The following CTNNA3 variants were observed in gnomAD, a reference collection of about 807,000 sequenced individuals.
CTNNA3 encodes the protein catenin alpha 3.
CTNNA3 carries 76 observed loss-of-function variants against 95.7 expected under a neutral mutation model. That is an observed-to-expected ratio of 0.79 (90% CI 0.66 to 0.96). CTNNA3 has a LOEUF of 0.96. CTNNA3 is among the 40% of genes least tolerant of loss of function. The pLI, the probability that CTNNA3 is intolerant of heterozygous loss-of-function variation, is 0.00. For missense variants in CTNNA3, 1,191 were observed against 1,089.8 expected (o/e 1.09, Z -1.31); for synonymous variants, 431 against 374.4 (o/e 1.15, Z -1.74).
In CTNNA3 at chr10:66,179,660, A is replaced by G. The variant is rs2085934048; in HGVS notation, c.1885-76411T>C. On this transcript the variant is annotated intron_variant, in intron 13 of 17. Coordinates refer to ENST00000433211, the MANE Select transcript of CTNNA3 (RefSeq NM_013266.4). ...CTCCATAAAGGCAATCACAAAGGAAAGCTCTTCTAGGTTTTTGAGATTTTT... is the reference window on the plus strand; with the variant it reads ...CTCCATAAAGGCAATCACAAAGGAAGGCTCTTCTAGGTTTTTGAGATTTTT... Among the ~76,000 whole-genome samples the G allele has an allele frequency of 2.6e-5, 4 of 152,078 alleles. No individual in the cohort carries two copies. In the South Asian group the frequency reaches 8.3e-4, roughly 31 times the overall value.
intron 15 of CTNNA3, among the ~76,000 whole-genome samples, chr10:66,038,997 C>T (rs1008186729): frequency 8.5e-5 from 13 of 152,122 alleles, no homozygotes; most frequent in Non-Finnish European, 1.8e-4. Context: ...TAGAAAATCC[C>T]ATAGTCTCAA....
intron 7 of CTNNA3, among the ~76,000 whole-genome samples, chr10:67,083,084 A>T (rs1266999251): frequency 3.3e-5 from 5 of 152,168 alleles, no homozygotes; most frequent in Non-Finnish European, 5.9e-5. Flanking sequence ...TCAGGGGACC[A>T]GTGAGCATCC....
In CTNNA3 at chr10:67,591,226, G is replaced by A. The variant is rs538485145; in HGVS notation, c.292+15631C>T. Among the ~76,000 whole-genome samples, 5 of 152,182 alleles carry A rather than the reference G, an allele frequency of 3.3e-5. No homozygotes were observed. The East Asian group carries it at 9.7e-4, about 29-fold the overall frequency. Reference sequence around the variant, plus strand: ...GTTCTGGGCCTACCTAGGAAGAAATGTCTAGCCAACATTCCACATTTTAAA... The same window carrying A: ...GTTCTGGGCCTACCTAGGAAGAAATATCTAGCCAACATTCCACATTTTAAA... On this transcript the variant is annotated intron_variant, in intron 3 of 17. Coordinates refer to ENST00000433211, the MANE Select transcript of CTNNA3 (RefSeq NM_013266.4).
At chr10:66,407,288 TA>T (rs773876837) in intron 11 of CTNNA3, among the ~76,000 whole-genome samples, 1 of 148,488 alleles carries the variant, frequency 6.7e-6, no homozygotes, top group Non-Finnish European at 1.5e-5. Context: ...AAAACACATC[TA>T]AAAAAACCTA....
rs145827872 is a variant in CTNNA3 at position 66,233,750 on chromosome 10, C to T, written c.1884+46720G>A. On this transcript the variant is annotated intron_variant, in intron 13 of 17. Coordinates refer to ENST00000433211, the MANE Select transcript of CTNNA3 (RefSeq NM_013266.4). ...ATATATATAAAACTTTGGAACTTGCCGTATCTTCTAAAGCTAAATATGTTA... is the reference window on the plus strand; with the variant it reads ...ATATATATAAAACTTTGGAACTTGCTGTATCTTCTAAAGCTAAATATGTTA... 3.4e-3 allele frequency among the ~76,000 whole-genome samples: 520 copies of T among 152,116 alleles called. 2 individuals are homozygous for T. The highest frequency in any genetic ancestry group is 0.012 in the African/African-American group (494 of 41,490).
chr10:66,342,439 A>C (rs2092463630), intron 12 of CTNNA3, among the ~76,000 whole-genome samples: 1 of 152,088 alleles, frequency 6.6e-6, no homozygotes, highest in Admixed American at 6.6e-5. Flanking sequence ...AAACTTATGA[A>C]ATTTCTAGAT....
chr10:67,372,404 A>G (rs531791362), intron 5 of CTNNA3, among the ~76,000 whole-genome samples: 1 of 152,252 alleles, frequency 6.6e-6, no homozygotes, highest in South Asian at 2.1e-4. Context: ...TATGAAATGA[A>G]GCGTGAAGAG....
intron 7 of CTNNA3, among the ~76,000 whole-genome samples, chr10:66,916,596 C>T (rs1472817323): frequency 1.3e-5 from 2 of 152,100 alleles, no homozygotes; most frequent in Admixed American, 6.6e-5. Context: ...CCTGAGAAAG[C>T]TAATACTATA....
intron 11 of CTNNA3, among the ~76,000 whole-genome samples, chr10:66,497,297 T>C (rs1035448643): frequency 2.6e-5 from 4 of 151,884 alleles, no homozygotes; most frequent in African/African-American, 9.7e-5. Flanking sequence ...GTCAAAATTA[T>C]TAGGATGGTG....
intron 5 of CTNNA3, among the ~76,000 whole-genome samples, chr10:67,469,005 A>T (rs777845866): frequency 1.6e-4 from 25 of 152,232 alleles, no homozygotes; most frequent in Non-Finnish European, 1.5e-4. Flanking sequence ...TTTGAGGCAG[A>T]TGGGTACATC....
intron 5 of CTNNA3, among the ~76,000 whole-genome samples, chr10:67,267,316 T>A (rs1342410525): frequency 1.3e-5 from 2 of 152,092 alleles, no homozygotes; most frequent in Non-Finnish European, 2.9e-5. Flanking sequence ...TAGGAAGAAG[T>A]TCTGTGTGTG....
At chr10:66,604,140 C>T (rs1026706132) in intron 10 of CTNNA3, among the ~76,000 whole-genome samples, 6 of 151,900 alleles carry the variant, frequency 3.9e-5, no homozygotes, top group Non-Finnish European at 7.4e-5. Flanking sequence ...CAAAGTAAAG[C>T]GACAACCTAC....
intron 12 of CTNNA3, among the ~76,000 whole-genome samples, chr10:66,338,752 A>T (rs2092423083): frequency 6.6e-6 from 1 of 151,916 alleles, no homozygotes; most frequent in Admixed American, 6.6e-5. Flanking sequence ...AGCAGATTAG[A>T]ACAGTCTTTG....
intron 11 of CTNNA3, among the ~76,000 whole-genome samples, chr10:66,385,956 C>T (rs2092886984): frequency 6.6e-6 from 1 of 152,074 alleles, no homozygotes; most frequent in South Asian, 2.1e-4. Flanking sequence ...ATAATAAGAG[C>T]TATTTATGAC....
chr10:67,056,581 C>T (rs1172381303), intron 7 of CTNNA3, among the ~76,000 whole-genome samples: 1 of 152,142 alleles, frequency 6.6e-6, no homozygotes, highest in Non-Finnish European at 1.5e-5. Flanking sequence ...AGGACACTCA[C>T]AAACTTTCTA....
intron 12 of CTNNA3, among the ~76,000 whole-genome samples, chr10:66,281,894 C>T (rs951594974): frequency 6.6e-6 from 1 of 151,742 alleles, no homozygotes; most frequent in African/African-American, 2.4e-5. Flanking sequence ...TGACATTATC[C>T]ACTGTGCTCC....
chr10:66,944,973 T>C (rs1235016140), intron 7 of CTNNA3, among the ~76,000 whole-genome samples: 1 of 152,186 alleles, frequency 6.6e-6, no homozygotes, highest in Non-Finnish European at 1.5e-5. Flanking sequence ...ATACAGGCTT[T>C]GCTGTTCCAC....
At chr10:66,886,759 T>C (rs12259204) in intron 7 of CTNNA3, among the ~76,000 whole-genome samples, 70,659 of 151,958 alleles carry the variant, frequency 0.46, 16,836 homozygotes, top group Non-Finnish European at 0.51. Context: ...TCTTACCCCA[T>C]TTCAGACTGG....
intron 7 of CTNNA3, among the ~76,000 whole-genome samples, chr10:66,912,695 A>G (rs1846272512): frequency 6.6e-6 from 1 of 152,076 alleles, no homozygotes; most frequent in South Asian, 2.1e-4. Context: ...TTTTCCTAGC[A>G]TTTTTGGAGG....
Sources: gnomAD v4.1 joint callset for allele counts (sites outside exome capture counted in the v4.1 genomes callset) on GRCh38, gnomAD v4.1.1 for gene constraint, MANE v1.5 for transcripts, NCBI Gene and HGNC (gene_info 2026-07-23, HGNC 2026-07-21) for gene names.